The following CDH2 variants were observed in gnomAD, a reference collection of about 807,000 sequenced individuals.
CDH2 encodes the protein cadherin-2.
In CDH2, 17 loss-of-function variants were observed where a neutral mutation model predicts 92.0. The ratio of observed to expected loss-of-function variants is 0.18; its 90% confidence interval spans 0.13 to 0.28. CDH2 has a LOEUF of 0.28. Ranked by LOEUF, CDH2 falls within the 10% of genes least tolerant of loss-of-function variation. CDH2 has a pLI of 1.00. For synonymous variants in CDH2, 419 were observed against 415.9 expected (o/e 1.01, Z -0.09); for missense variants, 862 against 1,133.1 (o/e 0.76, Z 3.44).
intron 14 of CDH2, among the ~76,000 whole-genome samples, chr18:27,968,474 T>C (rs923935460): frequency 6.6e-6 from 1 of 152,218 alleles, no homozygotes; most frequent in East Asian, 1.9e-4. Context: ...GCACTCTGCA[T>C]AGAACAAATG....
chr18:27,952,507 G>C, intron 15 of CDH2, 148 bp from the exon 16 acceptor site: 1 of 657,458 alleles, frequency 1.5e-6, no homozygotes, highest in Non-Finnish European at 2.6e-6. Context: ...ACATGGAAAA[G>C]GGAGATATAA....
At chr18:28,034,649 G>A (rs539574042) in intron 2 of CDH2, among the ~76,000 whole-genome samples, 1 of 150,892 alleles carries the variant, frequency 6.6e-6, no homozygotes, top group Non-Finnish European at 1.5e-5. Context: ...GCTAAAGTTC[G>A]TATGTCATCA....
At chr18:28,129,357 A>T (rs958552788) in intron 2 of CDH2, among the ~76,000 whole-genome samples, 2 of 152,204 alleles carry the variant, frequency 1.3e-5, no homozygotes, top group African/African-American at 4.8e-5. Flanking sequence ...AAGCCATCAC[A>T]CTTTAATTGT....
intron 14 of CDH2, among the ~76,000 whole-genome samples, chr18:27,980,524 G>T (rs953623109): frequency 2.6e-5 from 4 of 152,212 alleles, no homozygotes; most frequent in Admixed American, 6.5e-5. Context: ...TCTGTTATGA[G>T]GTTAAAAATT....
At chr18:27,989,522 T>C (rs2012341075) in intron 10 of CDH2, among the ~76,000 whole-genome samples, 1 of 152,204 alleles carries the variant, frequency 6.6e-6, no homozygotes, top group Admixed American at 6.6e-5. Context: ...ATTTTAAAAA[T>C]GATCATCACC....
rs535098668 is a variant in CDH2 at position 28,008,016 on chromosome 18, G to A, written c.702+1701C>T. Among the ~76,000 whole-genome samples the A allele has an allele frequency of 5.3e-5, 8 of 152,306 alleles. No individual in the cohort carries two copies. The South Asian group carries it at 1.5e-3, about 28-fold the overall frequency. On this transcript the variant is annotated intron_variant, in intron 5 of 15. Transcript: ENST00000269141. ...CCCAAATTGCTAGGATTCCGGGCGTGAGCCACCACACCCGACTGGTATTGC... is the reference window on the plus strand; with the variant it reads ...CCCAAATTGCTAGGATTCCGGGCGTAAGCCACCACACCCGACTGGTATTGC...
intron 1 of CDH2, among the ~76,000 whole-genome samples, chr18:28,170,688 G>A (rs1449053302): frequency 6.6e-6 from 1 of 152,114 alleles, no homozygotes; most frequent in East Asian, 1.9e-4. Flanking sequence ...AAAACATGAG[G>A]TGGCTTAACA....
At chr18:27,960,143 A>G (rs544049361) in intron 15 of CDH2, among the ~76,000 whole-genome samples, 1 of 152,190 alleles carries the variant, frequency 6.6e-6, no homozygotes, top group Admixed American at 6.6e-5. Flanking sequence ...ACTGTGCCCC[A>G]TACTGGCCCC....
Position 28,151,391 on chromosome 18 carries a change from A to T in CDH2, c.61-3607T>A, listed in dbSNP as rs547543246. ...CATTTTCTCTTTTTCATTATAAAAT[A>T]CGTAGAGCAGGGAATTTGCTAACCA... On this transcript the variant is annotated intron_variant, in intron 1 of 15. Coordinates refer to ENST00000269141, the MANE Select transcript of CDH2 (RefSeq NM_001792.5). Among the ~76,000 whole-genome samples the T allele has an allele frequency of 2.0e-5, 3 of 152,340 alleles. No individual in the cohort carries two copies. In the East Asian group the frequency reaches 5.8e-4, roughly 29 times the overall value.
At chr18:28,132,836 T>C (rs540594282) in intron 2 of CDH2, among the ~76,000 whole-genome samples, 2 of 152,336 alleles carry the variant, frequency 1.3e-5, no homozygotes, top group South Asian at 4.1e-4. Flanking sequence ...AATCCATAAC[T>C]GCTTAATTCT....
chr18:28,039,796 G>A (rs2013913564), intron 2 of CDH2, among the ~76,000 whole-genome samples: 1 of 152,006 alleles, frequency 6.6e-6, no homozygotes, highest in Non-Finnish European at 1.5e-5. Flanking sequence ...AGTTCTGTGT[G>A]GTTTATAAAA....
chr18:28,085,113 C>T (rs2014901795), intron 2 of CDH2, among the ~76,000 whole-genome samples: 1 of 152,074 alleles, frequency 6.6e-6, no homozygotes, highest in African/African-American at 2.4e-5. Context: ...AGTTCTTGAC[C>T]CTGACTTCCT....
chr18:28,160,519 C>G (rs931368760), intron 1 of CDH2, among the ~76,000 whole-genome samples: 8 of 152,196 alleles, frequency 5.3e-5, no homozygotes, highest in Admixed American at 4.6e-4. Flanking sequence ...TGGATTCTGA[C>G]AGCTCGACCA....
chr18:28,017,609 T>C (rs191145109), intron 2 of CDH2, among the ~76,000 whole-genome samples: 4 of 152,260 alleles, frequency 2.6e-5, no homozygotes, highest in Non-Finnish European at 4.4e-5. Context: ...TTCAACTGCA[T>C]ATAGTTGTGC....
chr18:28,176,839 G>A (rs529519205), intron 1 of CDH2, 124 bp downstream of exon 1: 2 of 360,842 alleles, frequency 5.5e-6, no homozygotes, highest in Non-Finnish European at 7.7e-6. Context: ...GCGCGGCGCG[G>A]CGCGGCGTGG....
chr18:28,044,527 T>C (rs1204206393), intron 2 of CDH2, among the ~76,000 whole-genome samples: 1 of 152,198 alleles, frequency 6.6e-6, no homozygotes, highest in Non-Finnish European at 1.5e-5. Context: ...ATTAAGACTA[T>C]AAATATTCCA....
chr18:28,163,301 G>C (rs1161950363), intron 1 of CDH2, among the ~76,000 whole-genome samples: 1 of 152,148 alleles, frequency 6.6e-6, no homozygotes, highest in African/African-American at 2.4e-5. Context: ...ACACAATCTT[G>C]CATTAGCTGG....
chr18:28,141,774 C>G (rs974271388), intron 2 of CDH2, among the ~76,000 whole-genome samples: 1 of 151,996 alleles, frequency 6.6e-6, no homozygotes, highest in Non-Finnish European at 1.5e-5. Flanking sequence ...CAAAGCCCCA[C>G]ACAAAGTGGC....
chr18:28,102,408 T>G (rs2144235273), intron 2 of CDH2, among the ~76,000 whole-genome samples: 1 of 152,224 alleles, frequency 6.6e-6, no homozygotes, highest in East Asian at 1.9e-4. Context: ...CTGGTGTTTT[T>G]TAACTGGAAA....
Sources: gnomAD v4.1 joint callset for allele counts (sites outside exome capture counted in the v4.1 genomes callset) on GRCh38, gnomAD v4.1.1 for gene constraint, MANE v1.5 for transcripts, NCBI Gene and HGNC (gene_info 2026-07-23, HGNC 2026-07-21) for gene names.